GNAQ: variants seen among roughly 807,000 people sequenced by gnomAD.
GNAQ encodes guanine nucleotide-binding protein G(q) subunit alpha.
Under a neutral mutation model 43.9 loss-of-function variants are expected in GNAQ, and 8 were observed. The observed-to-expected ratio is 0.18, with a 90% CI of 0.11 to 0.33. The LOEUF is 0.33. GNAQ is among the 10% of genes least tolerant of loss of function. The probability of loss-of-function intolerance (pLI) is 1.00; values close to 1 mark genes in which losing one functional copy is unlikely to be tolerated. For synonymous variants in GNAQ, 155 were observed against 170.7 expected (o/e 0.91, Z 0.71); for missense variants, 158 against 450.8 (o/e 0.35, Z 5.88).
At chr9:77,932,093 T>C (rs185802211) in intron 1 of GNAQ, among the ~76,000 whole-genome samples, 2 of 152,294 alleles carry the variant, frequency 1.3e-5, no homozygotes, top group East Asian at 3.9e-4. Flanking sequence ...TGTTGCACCA[T>C]ATTGGCACCT....
intron 1 of GNAQ, among the ~76,000 whole-genome samples, chr9:77,930,570 T>C (rs1052741132): frequency 6.6e-6 from 1 of 152,204 alleles, no homozygotes; most frequent in African/African-American, 2.4e-5. Context: ...GGCTCAAACA[T>C]ATATATTTTA....
At chr9:78,014,689 A>C (rs1418270231) in intron 1 of GNAQ, among the ~76,000 whole-genome samples, 3 of 152,334 alleles carry the variant, frequency 2.0e-5, no homozygotes, top group African/African-American at 7.2e-5. Context: ...AAGTAAATGT[A>C]AACAACAGAA....
chr9:77,913,115 T>C (rs531941152), intron 2 of GNAQ, among the ~76,000 whole-genome samples: 26 of 152,280 alleles, frequency 1.7e-4, no homozygotes, highest in African/African-American at 3.1e-4. Flanking sequence ...GGAAAACTCA[T>C]TGGCAGTATC....
At chr9:77,949,737 G>A (rs1054742899) in intron 1 of GNAQ, among the ~76,000 whole-genome samples, 6 of 152,202 alleles carry the variant, frequency 3.9e-5, no homozygotes, top group African/African-American at 1.4e-4. Flanking sequence ...TATTTTTAAA[G>A]GGAAATATTA....
chr9:77,933,881 T>C (rs17786980), intron 1 of GNAQ, among the ~76,000 whole-genome samples: 53,563 of 151,964 alleles, frequency 0.35, 11,201 homozygotes, highest in Admixed American at 0.47. Flanking sequence ...TAAAGATAAA[T>C]TGCACACTTT....
At chr9:77,839,620 C>T (rs1241982711) in intron 2 of GNAQ, among the ~76,000 whole-genome samples, 1 of 152,214 alleles carries the variant, frequency 6.6e-6, no homozygotes, top group Non-Finnish European at 1.5e-5. Flanking sequence ...GCATGGGCTG[C>T]CTGCCCTGAA....
intron 2 of GNAQ, among the ~76,000 whole-genome samples, chr9:77,822,976 A>G (rs1827140598): frequency 1.3e-5 from 2 of 151,498 alleles, no homozygotes; most frequent in Admixed American, 1.3e-4. Context: ...TCTGTCACCC[A>G]GGCTGGCAGG....
At chr9:77,969,492 C>T (rs556103015) in intron 1 of GNAQ, among the ~76,000 whole-genome samples, 1 of 152,230 alleles carries the variant, frequency 6.6e-6, no homozygotes, top group South Asian at 2.1e-4. Context: ...TTAAGGCCAA[C>T]TTAGAAACAA....
intron 2 of GNAQ, among the ~76,000 whole-genome samples, chr9:77,824,335 T>A (rs939377753): frequency 1.3e-5 from 2 of 152,224 alleles, no homozygotes; most frequent in African/African-American, 4.8e-5. Context: ...CAAGGTCTGC[T>A]GAATGGTAAG....
chr9:77,894,465 C>T (rs1159057599), intron 2 of GNAQ, among the ~76,000 whole-genome samples: 2 of 123,928 alleles, frequency 1.6e-5, no homozygotes, highest in African/African-American at 6.0e-5. Flanking sequence ...ACTATGTCAC[C>T]AGGCTGGAAT....
intron 2 of GNAQ, among the ~76,000 whole-genome samples, chr9:77,891,571 A>C (rs1390971062): frequency 6.6e-6 from 1 of 152,158 alleles, no homozygotes; most frequent in Non-Finnish European, 1.5e-5. Context: ...TACGATTGTC[A>C]TCTAGGACTT....
intron 5 of GNAQ, among the ~76,000 whole-genome samples, chr9:77,767,487 A>G (rs1435025930): frequency 9.2e-6 from 1 of 108,110 alleles, no homozygotes; most frequent in Non-Finnish European, 2.1e-5. Flanking sequence ...CTTGTCAAGG[A>G]GCTTATAATC....
chr9:77,921,316 C>T (rs886831448), intron 2 of GNAQ, among the ~76,000 whole-genome samples: 1 of 152,242 alleles, frequency 6.6e-6, no homozygotes, highest in East Asian at 1.9e-4. Context: ...CAGTCACACC[C>T]TGGGTGCAGG....
At chr9:77,893,866 A>G (rs1828444715) in intron 2 of GNAQ, among the ~76,000 whole-genome samples, 1 of 152,134 alleles carries the variant, frequency 6.6e-6, no homozygotes, top group South Asian at 2.1e-4. Context: ...CTCAGCATCC[A>G]TTAGAGGTGA....
chr9:77,856,376 A>AAT (rs936951763), intron 2 of GNAQ, among the ~76,000 whole-genome samples: 14 of 152,106 alleles, frequency 9.2e-5, no homozygotes, highest in African/African-American at 2.9e-4. Flanking sequence ...AAAATTTCAA[A>AAT]ATATATATAT....
intron 1 of GNAQ, among the ~76,000 whole-genome samples, chr9:77,942,183 G>A (rs866803550): frequency 6.6e-6 from 1 of 152,130 alleles, no homozygotes; most frequent in Non-Finnish European, 1.5e-5. Flanking sequence ...AACAGAACTG[G>A]TAACAGAGTT....
chr9:77,975,541 T>C lies in GNAQ; in HGVS notation c.137-53196A>G, dbSNP rs1439817533. ...TTTACTGTTATCAGCCCCCCCTTTT[T>C]TTTTTTTTTTTTTTTTTGAGACAAG... On this transcript the variant is annotated intron_variant, in intron 1 of 6. Transcript: ENST00000286548. 3.5e-4 allele frequency among the ~76,000 whole-genome samples: 51 copies of C among 147,636 alleles called. 1 individual carries two copies. Among genetic ancestry groups the C allele is most frequent in the Admixed American group, 1.4e-3 (21 of 14,780 alleles).
At position 77,840,378 on chromosome 9, in the gene GNAQ, C is replaced by T. The variant is rs375979571; in HGVS notation, c.322-24608G>A. The stretch of plus-strand genomic sequence containing the variant: ...GTTTTTTTTTTTTTTTAGACGGAGT[C>T]GGAGTCGGAGTACAGTGGCATAATC... On this transcript the variant is annotated intron_variant, in intron 2 of 6. Transcript: ENST00000286548. Among the ~76,000 whole-genome samples the T allele has an allele frequency of 6.3e-5, 9 of 142,808 alleles. No homozygotes were observed. In the South Asian group the frequency reaches 6.5e-4, roughly 10 times the overall value. The allele number at this position is 142,808 out of a possible 152,430, so 93.7% of individuals were successfully genotyped here.
intron 2 of GNAQ, among the ~76,000 whole-genome samples, chr9:77,910,443 C>T (rs772554888): frequency 1.3e-5 from 2 of 152,164 alleles, no homozygotes; most frequent in Non-Finnish European, 2.9e-5. Flanking sequence ...CCAAGAACAG[C>T]CAAATGACCA....
Sources: gnomAD v4.1 joint callset for allele counts (sites outside exome capture counted in the v4.1 genomes callset) on GRCh38, gnomAD v4.1.1 for gene constraint, MANE v1.5 for transcripts, NCBI Gene and HGNC (gene_info 2026-07-23, HGNC 2026-07-21) for gene names.